The following CD163L1 variants were observed in gnomAD, a reference collection of about 807,000 sequenced individuals.
The protein encoded by CD163L1 is scavenger receptor cysteine-rich type 1 protein M160.
CD163L1 carries 124 observed loss-of-function variants against 165.4 expected under a neutral mutation model. That is an observed-to-expected ratio of 0.75 (90% CI 0.65 to 0.87). The LOEUF (loss-of-function observed/expected upper bound fraction) is 0.87. Among genes scored for constraint, CD163L1 ranks in the 40% least tolerant of loss-of-function variants. CD163L1 has a pLI of 0.00. For missense variants in CD163L1, 1,525 were observed against 1,799.9 expected (o/e 0.85, Z 2.76); for synonymous variants, 585 against 662.2 (o/e 0.88, Z 1.79).
At chr12:7,407,443 G>C (rs944875617) in intron 4 of CD163L1, among the ~76,000 whole-genome samples, 4 of 151,910 alleles carry the variant, frequency 2.6e-5, no homozygotes, top group African/African-American at 9.7e-5. Flanking sequence ...AAGCAAGTGT[G>C]ACCAGCCATA....
At chr12:7,333,127 G>A in the CD163L1 span, among the ~76,000 whole-genome samples, 1 of 152,116 alleles carries the variant, frequency 6.6e-6, no homozygotes, top group African/African-American at 2.4e-5. Context: ...ACTCAGCTCT[G>A]CACCAAGCGG....
the CD163L1 span, among the ~76,000 whole-genome samples, chr12:7,331,505 C>A: frequency 1.3e-5 from 2 of 152,334 alleles, no homozygotes; most frequent in African/African-American, 4.8e-5. Flanking sequence ...TCCCTGACCC[C>A]TGAGTAGCCT....
intron 4 of CD163L1, among the ~76,000 whole-genome samples, chr12:7,421,516 T>C (rs1478515242): frequency 1.6e-5 from 2 of 128,378 alleles, no homozygotes; most frequent in Non-Finnish European, 3.1e-5. Context: ...TACATATACA[T>C]ATATGTACAT....
chr12:7,369,428 C>G lies in CD163L1; in HGVS notation c.3968G>C (p.Trp1323Ser). The G allele has an allele frequency of 6.2e-7, 1 of 1,614,156 alleles. No homozygotes were observed. The highest frequency in any genetic ancestry group is 8.5e-7 in the Non-Finnish European group (1 of 1,180,032). Residue 1323 changes from tryptophan to serine, a missense_variant, in exon 15 of 20, where the codon TGG becomes TCG. Physicochemically the swap from Trp to Ser is radical, Grantham distance 177. Transcript: ENST00000313599. The surrounding 1 kb of genome is among the most constrained non-coding windows in gnomAD (Gnocchi z 4.9). ...MRCKGNESFLWDCHAKPWGQS... is the reference protein window; with the variant it reads ...MRCKGNESFLSDCHAKPWGQS... ...TCCCCAGGGTTTGGCGTGACAGTCCCATAGAAATGACTCATTTCCTTTGCA... is the reference window on the plus strand; with the variant it reads ...TCCCCAGGGTTTGGCGTGACAGTCCGATAGAAATGACTCATTTCCTTTGCA...
chr12:7,411,758 A>G (rs1348490522), intron 4 of CD163L1, among the ~76,000 whole-genome samples: 1 of 152,210 alleles, frequency 6.6e-6, no homozygotes, highest in Non-Finnish European at 1.5e-5. Flanking sequence ...CAAATGGACT[A>G]ACACATCCCC....
At chr12:7,382,711 C>A (rs901079718) in intron 8 of CD163L1, among the ~76,000 whole-genome samples, 1 of 152,126 alleles carries the variant, frequency 6.6e-6, no homozygotes, top group African/African-American at 2.4e-5. Context: ...ACATCCCAAT[C>A]CCCAACCCCA....
chr12:7,433,156 CTCTT>C (rs1486711027), intron 3 of CD163L1, among the ~76,000 whole-genome samples: 5 of 152,228 alleles, frequency 3.3e-5, no homozygotes, highest in South Asian at 2.1e-4. Flanking sequence ...CTCTGTCTCT[CTCTT>C]TCTCTCTCCA....
intron 4 of CD163L1, among the ~76,000 whole-genome samples, chr12:7,407,788 C>G (rs749901655): frequency 1.3e-5 from 2 of 149,864 alleles, no homozygotes; most frequent in South Asian, 4.2e-4. Context: ...TCCATACACA[C>G]ACACACACAC....
At chr12:7,357,823 A>C (rs1201642947) in intron 18 of CD163L1, among the ~76,000 whole-genome samples, 1 of 152,148 alleles carries the variant, frequency 6.6e-6, no homozygotes, top group Non-Finnish European at 1.5e-5. Context: ...TTGTCTAAAG[A>C]TAGGAGAGTA....
chr12:7,407,836 C>T (rs2136536932), intron 4 of CD163L1, among the ~76,000 whole-genome samples: 1 of 151,202 alleles, frequency 6.6e-6, no homozygotes, highest in South Asian at 2.1e-4. Context: ...CATACACACA[C>T]AAAATCACCT....
At chr12:7,407,454 A>T (rs948306972) in intron 4 of CD163L1, among the ~76,000 whole-genome samples, 1 of 151,992 alleles carries the variant, frequency 6.6e-6, no homozygotes, top group Admixed American at 6.6e-5. Context: ...ACCAGCCATA[A>T]ATTATGGGCT....
intron 17 of CD163L1, among the ~76,000 whole-genome samples, chr12:7,367,746 C>T (rs1419273255): frequency 6.6e-6 from 1 of 152,156 alleles, no homozygotes; most frequent in Non-Finnish European, 1.5e-5. Context: ...TGTTCTTAAT[C>T]CTCCACCATG....
rs769031359 is a variant in CD163L1, at chr12:7,400,484, C to A, written c.1409-1900G>T. On this transcript the variant is annotated intron_variant, in intron 6 of 19. Coordinates refer to ENST00000313599, the MANE Select transcript of CD163L1 (RefSeq NM_174941.6). This position sits in a 1 kb window ranked among gnomAD's most constrained non-coding sequence, Gnocchi z 4.1. ...ACTGGATAGTATAATGATATAATTT[C>A]TGCACAAATCAAACCAATTTATATT... is the stretch of plus-strand genomic sequence containing the variant. 8.5e-5 allele frequency among the ~76,000 whole-genome samples: 13 copies of A among 152,108 alleles called. No homozygotes were observed. Among genetic ancestry groups the A allele is most frequent in the Non-Finnish European group, 1.9e-4 (13 of 68,014 alleles).
rs752261128 is a variant in CD163L1 at position 7,433,673 on chromosome 12, C to T, written c.146G>A (p.Arg49Lys). Residue 49 changes from arginine to lysine, a missense_variant, in exon 3 of 20, where the codon AGG becomes AAG. Arg to Lys is a conservative substitution (Grantham distance 26). Coordinates refer to ENST00000313599, the MANE Select transcript of CD163L1 (RefSeq NM_174941.6). ...GCAGGGACCGTCTCCATTGACCAGCCTCAACTCCAAATCTGTTCCATCTGC... is the reference window on the plus strand; with the variant it reads ...GCAGGGACCGTCTCCATTGACCAGCTTCAACTCCAAATCTGTTCCATCTGC... ...SSFNGTDLEL[R>K]LVNGDGPCSG... The T allele has an allele frequency of 1.9e-6, 3 of 1,612,546 alleles. No individual in the cohort carries two copies. The South Asian group carries it at 3.3e-5, about 18-fold the overall frequency.
intron 8 of CD163L1, among the ~76,000 whole-genome samples, chr12:7,389,747 C>T (rs1392758306): frequency 6.6e-6 from 1 of 151,824 alleles, no homozygotes; most frequent in East Asian, 1.9e-4. Context: ...TCACATTGCA[C>T]ACCTGTATCA....
chr12:7,433,294 T>G, intron 3 of CD163L1, 80 bp downstream of exon 3: 1 of 1,303,118 alleles, frequency 7.7e-7, no homozygotes, highest in Non-Finnish European at 1.1e-6. Flanking sequence ...ATTAAAGTCA[T>G]AATAGAAACC....
intron 4 of CD163L1, among the ~76,000 whole-genome samples, chr12:7,411,895 C>T (rs1948144607): frequency 6.6e-6 from 1 of 152,158 alleles, no homozygotes. Flanking sequence ...AAAGTGTTAA[C>T]CCAGTTAATT....
chr12:7,402,411 C>T (rs1472527624), intron 6 of CD163L1, among the ~76,000 whole-genome samples: 1 of 151,858 alleles, frequency 6.6e-6, no homozygotes, highest in Non-Finnish European at 1.5e-5. Context: ...CATCATTCTT[C>T]ATTTATCCTA....
At chr12:7,417,899 G>A (rs1171186648) in intron 4 of CD163L1, among the ~76,000 whole-genome samples, 1 of 151,240 alleles carries the variant, frequency 6.6e-6, no homozygotes, top group African/African-American at 2.4e-5. Context: ...TCAAAACAGT[G>A]TAAGATAATT....
Sources: gnomAD v4.1 joint callset for allele counts (sites outside exome capture counted in the v4.1 genomes callset) on GRCh38, gnomAD v4.1.1 for gene constraint, Gnocchi (gnomAD v3.1) non-coding constraint, MANE v1.5 for transcripts, NCBI Gene and HGNC (gene_info 2026-07-23, HGNC 2026-07-21) for gene names.